Variants in RAB11FIP4 observed in about 807,000 individuals in gnomAD.
The protein encoded by RAB11FIP4 is rab11 family-interacting protein 4.
RAB11FIP4 carries 23 observed loss-of-function variants against 74.3 expected under a neutral mutation model. The observed-to-expected ratio is 0.31, with a 90% CI of 0.22 to 0.44. The LOEUF is 0.44. Ranked by LOEUF, RAB11FIP4 falls within the 20% of genes least tolerant of loss-of-function variation. The probability of loss-of-function intolerance (pLI) is 1.00; values close to 1 mark genes in which losing one functional copy is unlikely to be tolerated. For missense variants in RAB11FIP4, 630 were observed against 863.9 expected (o/e 0.73, Z 3.39); for synonymous variants, 360 against 359.9 (o/e 1.00, Z 0.00).
At position 31,531,760 on chromosome 17, in the gene RAB11FIP4, T is replaced by G. The variant is rs1179127239; in HGVS notation, c.*28T>G. The G allele has an allele frequency of 6.7e-7, 1 of 1,496,596 alleles. No individual in the cohort carries two copies. 92.7% of individuals were successfully genotyped at this position (1,496,596 alleles called of 1,614,324 possible). A position where few individuals can be genotyped will look rare whatever the true frequency, so the allele number is the denominator to read the frequency against. ...CACGGGGCTGGCTGCAGAGCAGCCTTAGGACCCTGGGACCAAGGGCAGACC... is the reference window on the plus strand; with the variant it reads ...CACGGGGCTGGCTGCAGAGCAGCCTGAGGACCCTGGGACCAAGGGCAGACC... On this transcript the variant is annotated 3_prime_UTR_variant, in exon 15 of 15. Transcript: ENST00000621161.
At chr17:31,452,473 C>T (rs927152890) in intron 3 of RAB11FIP4, among the ~76,000 whole-genome samples, 1 of 152,138 alleles carries the variant, frequency 6.6e-6, no homozygotes, top group Non-Finnish European at 1.5e-5. Flanking sequence ...CTTTCCTGTG[C>T]GTGTCAATCA....
At chr17:31,456,527 T>C (rs1203192893) in intron 3 of RAB11FIP4, among the ~76,000 whole-genome samples, 1 of 152,180 alleles carries the variant, frequency 6.6e-6, no homozygotes, top group Non-Finnish European at 1.5e-5. Flanking sequence ...CTTTTTAGGA[T>C]TTTGTACCAG....
chr17:31,453,432 A>C (rs1273542881), intron 3 of RAB11FIP4, among the ~76,000 whole-genome samples: 2 of 150,086 alleles, frequency 1.3e-5, no homozygotes, highest in African/African-American at 4.9e-5. Context: ...CTGAGTTTGA[A>C]TCCTGATGCT....
chr17:31,512,107 C>T lies in RAB11FIP4; in HGVS notation c.337-5544C>T, dbSNP rs1208769110. ...GCTTCTCTGAGGAGGGTGGGCGTCC[C>T]TCCTGGCTGCTCGTCTGTCCAGGAC... On this transcript the variant is annotated intron_variant, in intron 3 of 14. Transcript: ENST00000621161. This position sits in a 1 kb window ranked among gnomAD's most constrained non-coding sequence, Gnocchi z 4.1. Among the ~76,000 whole-genome samples the T allele has an allele frequency of 2.6e-5, 4 of 152,210 alleles. No homozygotes were observed. Among genetic ancestry groups the T allele is most frequent in the Admixed American group, 1.3e-4 (2 of 15,280 alleles).
intron 1 of RAB11FIP4, among the ~76,000 whole-genome samples, chr17:31,412,581 C>T (rs2071108446): frequency 6.6e-6 from 1 of 152,242 alleles, no homozygotes. Flanking sequence ...CCTTAATCCC[C>T]ATCCTGCCCT....
At chr17:31,490,307 G>A (rs1218993960) in intron 3 of RAB11FIP4, among the ~76,000 whole-genome samples, 2 of 152,172 alleles carry the variant, frequency 1.3e-5, no homozygotes, top group African/African-American at 4.8e-5. Context: ...TGTACCCGTA[G>A]GTATCTGGCA....
intron 9 of RAB11FIP4, 64 bp from the exon 10 acceptor site, chr17:31,525,026 C>G (rs1416728937): frequency 7.8e-6 from 12 of 1,546,762 alleles, no homozygotes; most frequent in Non-Finnish European, 1.0e-5. Flanking sequence ...GTCCCCCGTG[C>G]CACAGCCTGG....
chr17:31,404,773 G>A (rs1264801597), intron 1 of RAB11FIP4, among the ~76,000 whole-genome samples: 3 of 152,172 alleles, frequency 2.0e-5, no homozygotes, highest in African/African-American at 7.2e-5. Flanking sequence ...GAAGGGTGCG[G>A]GCTTGTGCAG....
At chr17:31,447,056 G>C (rs1432340278) in intron 3 of RAB11FIP4, among the ~76,000 whole-genome samples, 1 of 152,102 alleles carries the variant, frequency 6.6e-6, no homozygotes, top group Admixed American at 6.5e-5. Context: ...AGGCCAAGGC[G>C]GGCGGATCAC....
chr17:31,523,361 G>T (rs1307767741), intron 7 of RAB11FIP4, 151 bp from the exon 8 acceptor site: 20 of 685,520 alleles, frequency 2.9e-5, no homozygotes, highest in Non-Finnish European at 5.0e-5. Context: ...CGCTGAGTTT[G>T]GCAACATTCT....
chr17:31,508,166 T>C (rs1262366179), intron 3 of RAB11FIP4, among the ~76,000 whole-genome samples: 3 of 152,144 alleles, frequency 2.0e-5, no homozygotes, highest in Non-Finnish European at 4.4e-5. Flanking sequence ...TCACTTGTTA[T>C]TGGAACGGAA....
chr17:31,536,932 C>CTT lies in RAB11FIP4; in HGVS notation c.*5200_*5201insTT. ...TTCCCATATGACCTCCCTGCCCCGA[C>CTT]CTCGTAGGTTGCTCCTTTCCCCATC... On this transcript the variant is annotated 3_prime_UTR_variant, in exon 15 of 15. Transcript: ENST00000621161. 1 of 399,056 alleles carries CTT rather than the reference C, an allele frequency of 2.5e-6. No individual in the cohort carries two copies. The highest frequency in any genetic ancestry group is 4.4e-6 in the Non-Finnish European group (1 of 226,116). The allele number at this position is 399,056 out of a possible 1,614,324, so 24.7% of individuals were successfully genotyped here.
At chr17:31,446,831 G>A (rs1309927075) in intron 3 of RAB11FIP4, among the ~76,000 whole-genome samples, 1 of 152,146 alleles carries the variant, frequency 6.6e-6, no homozygotes. Flanking sequence ...AGAAAACATT[G>A]TCCAACATTA....
chr17:31,504,006 TATC>T (rs1202063158), intron 3 of RAB11FIP4, among the ~76,000 whole-genome samples: 2 of 149,654 alleles, frequency 1.3e-5, no homozygotes, highest in Non-Finnish European at 2.9e-5. Context: ...TATAATGAGA[TATC>T]ATCCCATCCT....
intron 3 of RAB11FIP4, among the ~76,000 whole-genome samples, chr17:31,465,086 C>G (rs1230205119): frequency 1.3e-5 from 2 of 152,066 alleles, no homozygotes; most frequent in Non-Finnish European, 2.9e-5. Flanking sequence ...GGCCTACGGG[C>G]AGTCAGTGGA....
At chr17:31,396,505 A>G (rs137991160) in intron 1 of RAB11FIP4, among the ~76,000 whole-genome samples, 50 of 152,354 alleles carry the variant, frequency 3.3e-4, no homozygotes, top group African/African-American at 1.2e-3. Flanking sequence ...GAGTAGGCAT[A>G]ATATCAGAAT....
chr17:31,527,965 C>T (rs760709336), intron 11 of RAB11FIP4, 42 bp downstream of exon 11: 21 of 1,471,854 alleles, frequency 1.4e-5, no homozygotes, highest in Non-Finnish European at 1.9e-5. Flanking sequence ...GGCTGGCCAT[C>T]GGGAGCCTTT....
Position 31,512,497 on chromosome 17 carries a change from C to T in RAB11FIP4, c.337-5154C>T, listed in dbSNP as rs531783528. On this transcript the variant is annotated intron_variant, in intron 3 of 14. Transcript: ENST00000621161. The surrounding 1 kb of genome is among the most constrained non-coding windows in gnomAD (Gnocchi z 4.1). The stretch of plus-strand genomic sequence containing the variant: ...AACACGCTGCTGCATCCGCTCTCTC[C>T]CTTCACCCCGGGGTCCGCTGGCAGG... Among the ~76,000 whole-genome samples the T allele has an allele frequency of 6.6e-6, 1 of 152,318 alleles. No individual in the cohort carries two copies. The highest frequency in any genetic ancestry group is 2.4e-5 in the African/African-American group (1 of 41,582).
intron 3 of RAB11FIP4, among the ~76,000 whole-genome samples, chr17:31,505,487 A>ATATATAT: frequency 1.1e-5 from 1 of 90,238 alleles, no homozygotes; most frequent in Non-Finnish European, 2.0e-5. Context: ...TATAATATAT[A>ATATATAT]ATATATAATT....
Sources: allele counts gnomAD v4.1 joint callset (sites outside exome capture counted in the v4.1 genomes callset), GRCh38; gene constraint gnomAD v4.1.1; non-coding constraint Gnocchi (gnomAD v3.1); transcripts MANE v1.5; gene names NCBI Gene and HGNC (gene_info 2026-07-23, HGNC 2026-07-21).